The following GOLM1 variants were observed in gnomAD, a reference collection of about 807,000 sequenced individuals.
GOLM1 encodes the protein epididymis luminal protein 46.
GOLM1 carries 31 observed loss-of-function variants against 50.5 expected under a neutral mutation model. The observed-to-expected ratio is 0.61, with a 90% CI of 0.46 to 0.83. GOLM1 has a LOEUF of 0.83. GOLM1 is among the 40% of genes least tolerant of loss of function. The pLI is 0.00. For synonymous variants in GOLM1, 178 were observed against 192.8 expected, an observed-to-expected ratio of 0.92 and a Z score of 0.64; for missense variants, 491 against 501.3, an observed-to-expected ratio of 0.98 and a Z score of 0.20.
chr9:86,079,481 GT>G, intron 1 of GOLM1, 140 bp from the exon 2 acceptor site: 1 of 639,834 alleles, frequency 1.6e-6, no homozygotes, highest in South Asian at 2.4e-5. Context: ...GTGCAAAGCT[GT>G]CAAGGGAGAA....
rs12336971 is a variant in GOLM1, at chr9:86,086,004, G to A, written c.-21-6663C>T. ...GTATATACCCAGTAATGGGATTGCT[G>A]GGTCAAATGGTATTTCTAGTTCTAG... On this transcript the variant is annotated intron_variant, in intron 1 of 9. Coordinates refer to ENST00000388712, the MANE Select transcript of GOLM1 (RefSeq NM_016548.4). 7.0e-4 allele frequency among the ~76,000 whole-genome samples: 107 copies of A among 152,270 alleles called. 1 individual carries two copies. The highest frequency in any genetic ancestry group is 2.2e-3 in the African/African-American group (93 of 41,538).
At position 86,036,388 on chromosome 9, in the gene GOLM1, A is replaced by C. The variant is rs1219865661; in HGVS notation, c.717T>G (p.Ser239Arg). The C allele has an allele frequency of 1.9e-6, 3 of 1,614,070 alleles. No homozygotes were observed. Residue 239 changes from serine to arginine, a missense_variant, in exon 7 of 10, where the codon AGT (serine) becomes AGG (arginine). Ser to Arg is a moderately radical substitution (Grantham distance 110, BLOSUM62 -1). Transcript: ENST00000388712. ...GNSKSQTPAP[S>R]SEVVLDSKRQ... The stretch of plus-strand genomic sequence containing the variant: ...TCTTTGAATCCAAAACCACTTCGGA[A>C]CTGGGGGCTGGTGTCTGGGACTTGC...
chr9:86,035,548 C>T lies in GOLM1; in HGVS notation c.835G>A (p.Val279Met). Reference protein sequence around the residue: ...RLPQEPGREQVVEDRPVGGRG... With the variant: ...RLPQEPGREQMVEDRPVGGRG... ...CCACCTACAGGTCTGTCTTCCACCA[C>T]CTGCTCCCGGCCTGGCTCCTGCGGC... Residue 279 changes from valine to methionine, a missense_variant, in exon 8 of 10, where the codon GTG becomes ATG. Coordinates refer to ENST00000388712, the MANE Select transcript of GOLM1 (RefSeq NM_016548.4). The T allele has an allele frequency of 2.5e-6, 4 of 1,611,606 alleles. No homozygotes were observed. Among genetic ancestry groups the T allele is most frequent in the Non-Finnish European group, 3.4e-6 (4 of 1,179,992 alleles).
At chr9:86,069,376 A>T (rs1211513378) in intron 3 of GOLM1, among the ~76,000 whole-genome samples, 1 of 152,250 alleles carries the variant, frequency 6.6e-6, no homozygotes, top group African/African-American at 2.4e-5. Context: ...ATAAATTCTC[A>T]TGAACTTGCA....
Position 86,040,720 on chromosome 9 carries a change from G to T in GOLM1, c.597+19C>A. On this transcript the variant is annotated intron_variant, in intron 6 of 9. Transcript: ENST00000388712. ...TAGGGGTACCTTCTAGAAACTCTTG[G>T]CAAAAATTCCCCAGTTACCTGCTGT... 6.2e-7 allele frequency: 1 copy of T among 1,603,686 alleles called. No homozygotes were observed. Among genetic ancestry groups the T allele is most frequent in the East Asian group, 2.2e-5 (1 of 44,840 alleles).
intron 8 of GOLM1, among the ~76,000 whole-genome samples, chr9:86,034,112 G>A (rs1420066749): frequency 4.6e-5 from 7 of 152,000 alleles, no homozygotes; most frequent in African/African-American, 1.7e-4. Context: ...TTACAGGCAC[G>A]TGCTGCCATG....
intron 4 of GOLM1, among the ~76,000 whole-genome samples, chr9:86,050,440 G>A (rs1046110946): frequency 1.3e-5 from 2 of 152,284 alleles, no homozygotes; most frequent in South Asian, 4.1e-4. Flanking sequence ...CAGAAGGAAT[G>A]GTACCAGCTC....
chr9:86,033,250 GACCTCGTC>G (rs1016109739), intron 9 of GOLM1, 24 bp downstream of exon 9: 6 of 1,176,600 alleles, frequency 5.1e-6, no homozygotes, highest in Non-Finnish European at 7.7e-6. Flanking sequence ...AATGAAAGGT[GACCTCGTC>G]ACCGATGTAG....
At chr9:86,075,336 G>A (rs1234347089) in intron 3 of GOLM1, among the ~76,000 whole-genome samples, 1 of 152,182 alleles carries the variant, frequency 6.6e-6, no homozygotes, top group Non-Finnish European at 1.5e-5. Flanking sequence ...TTACGACTGC[G>A]CCCACCACTG....
intron 1 of GOLM1, among the ~76,000 whole-genome samples, chr9:86,085,490 T>TA (rs1834929702): frequency 1.3e-5 from 2 of 151,556 alleles, no homozygotes; most frequent in African/African-American, 4.9e-5. Context: ...ACTTTTTTTT[T>TA]AAATTATACT....
At chr9:86,061,159 G>A (rs1563960160) in intron 3 of GOLM1, among the ~76,000 whole-genome samples, 1 of 151,970 alleles carries the variant, frequency 6.6e-6, no homozygotes, top group African/African-American at 2.4e-5. Flanking sequence ...TCATGTTTAC[G>A]GTTTTCTACA....
chr9:86,028,666 A>G (rs922256995), intron 9 of GOLM1, among the ~76,000 whole-genome samples: 2 of 151,956 alleles, frequency 1.3e-5, no homozygotes, highest in African/African-American at 4.8e-5. Flanking sequence ...ACTGCAACAC[A>G]CACCCAGTGG....
chr9:86,099,569 G>A (rs1835469276), upstream of GOLM1: 1 of 147,620 alleles, frequency 6.8e-6, no homozygotes, highest in African/African-American at 2.4e-5. Flanking sequence ...GGCCTCCGCA[G>A]CGGCAAGGCC....
intron 8 of GOLM1, among the ~76,000 whole-genome samples, chr9:86,034,068 G>A (rs1587694555): frequency 1.3e-5 from 2 of 151,542 alleles, no homozygotes; most frequent in African/African-American, 4.9e-5. Context: ...GGGTTCAAGC[G>A]ATTCTCCTGC....
rs543944507 is a variant in GOLM1 at position 86,036,835 on chromosome 9, T to C, written c.598-328A>G. On this transcript the variant is annotated intron_variant, in intron 6 of 9. Transcript: ENST00000388712. ...AAAGACATGAACGACACAATACTCC[T>C]TGACGAAACAAACATCTGCAGAACC... 779 of 275,696 alleles carry C rather than the reference T, an allele frequency of 2.8e-3. 2 individuals are homozygous for C. The highest frequency in any genetic ancestry group is 4.1e-3 in the Non-Finnish European group (615 of 149,292). 17.1% of individuals were successfully genotyped at this position (275,696 alleles called of 1,614,324 possible).
chr9:86,078,577 C>A (rs1397738967), intron 2 of GOLM1, among the ~76,000 whole-genome samples: 1 of 152,016 alleles, frequency 6.6e-6, no homozygotes, highest in Non-Finnish European at 1.5e-5. Flanking sequence ...GCTGGGCAGG[C>A]CAAAGACAGG....
At chr9:86,065,100 G>GAT (rs1834271237) in intron 3 of GOLM1, among the ~76,000 whole-genome samples, 1 of 152,178 alleles carries the variant, frequency 6.6e-6, no homozygotes, top group African/African-American at 2.4e-5. Flanking sequence ...CAGGTCCTGA[G>GAT]ATAGTGCCTG....
intron 3 of GOLM1, among the ~76,000 whole-genome samples, chr9:86,060,898 AAAAAAAAAAAAAAAAAGAAG>A (rs1834139813): frequency 1.5e-5 from 2 of 135,546 alleles, no homozygotes; most frequent in Admixed American, 7.5e-5. Flanking sequence ...AAAAAAAAAA[AAAAAAAAAAAAAAAAAGAAG>A]AAGAAGAAGA....
rs963738421 is a variant in GOLM1, at chr9:86,031,252, G to A, written c.1129+2030C>T. On this transcript the variant is annotated intron_variant, in intron 9 of 9. Coordinates refer to ENST00000388712, the MANE Select transcript of GOLM1 (RefSeq NM_016548.4). Reference sequence around the variant, plus strand: ...GGGCATCGGCAGGATCAGCAAGGCCGAAACTGAAGTGAAGTAGTTGTTACA... The same window carrying A: ...GGGCATCGGCAGGATCAGCAAGGCCAAAACTGAAGTGAAGTAGTTGTTACA... 9.9e-5 allele frequency among the ~76,000 whole-genome samples: 15 copies of A among 151,794 alleles called. 1 individual carries two copies. Among genetic ancestry groups the A allele is most frequent in the East Asian group, 5.8e-4 (3 of 5,180 alleles).
Sources: allele counts gnomAD v4.1 joint callset (sites outside exome capture counted in the v4.1 genomes callset), GRCh38; gene constraint gnomAD v4.1.1; transcripts MANE v1.5; gene names NCBI Gene and HGNC (gene_info 2026-07-23, HGNC 2026-07-21).